LRRC4C: variants seen among roughly 807,000 people sequenced by gnomAD.
LRRC4C encodes the protein leucine-rich repeat-containing protein 4C.
A neutral mutation model predicts 33.6 loss-of-function variants in LRRC4C; 5 were observed. That is an observed-to-expected ratio of 0.15 (90% confidence interval 0.08 to 0.31). The LOEUF (loss-of-function observed/expected upper bound fraction) is 0.31, where lower values mean the gene tolerates loss of function less well. Ranked by LOEUF, LRRC4C falls within the 10% of genes least tolerant of loss-of-function variation. The pLI is 1.00. For synonymous variants in LRRC4C, 329 were observed against 302.0 expected (o/e 1.09, Z -0.93); for missense variants, 560 against 796.7 (o/e 0.70, Z 3.58).
At chr11:40,806,509 G>A (rs1378920308) in intron 2 of LRRC4C, among the ~76,000 whole-genome samples, 1 of 152,192 alleles carries the variant, frequency 6.6e-6, no homozygotes, top group African/African-American at 2.4e-5. Flanking sequence ...AAGCCATGCA[G>A]CACCACATCC....
At chr11:40,740,707 C>A (rs558147319) in intron 2 of LRRC4C, among the ~76,000 whole-genome samples, 29 of 151,982 alleles carry the variant, frequency 1.9e-4, no homozygotes, top group African/African-American at 7.0e-4. Flanking sequence ...ATAGCATTGC[C>A]CAGACTAATG....
chr11:40,208,604 A>AT (rs1399212456), intron 5 of LRRC4C, among the ~76,000 whole-genome samples: 1 of 152,124 alleles, frequency 6.6e-6, no homozygotes, highest in East Asian at 1.9e-4. Context: ...ACTGAAAGCT[A>AT]TTTTTCCAAT....
chr11:40,973,334 T>C, intron 1 of LRRC4C, among the ~76,000 whole-genome samples: 1 of 151,176 alleles, frequency 6.6e-6, no homozygotes, highest in East Asian at 1.9e-4. Context: ...GATCACTACT[T>C]AGGCAAAGAA....
chr11:40,294,129 C>T (rs1944388957), intron 4 of LRRC4C: 1 of 152,712 alleles, frequency 6.5e-6, no homozygotes, highest in South Asian at 2.1e-4. Flanking sequence ...CTTTTCCTTT[C>T]CCTTTCTCTG....
intron 1 of LRRC4C, among the ~76,000 whole-genome samples, chr11:41,157,349 A>C (rs1174795050): frequency 1.3e-5 from 2 of 152,090 alleles, no homozygotes; most frequent in Non-Finnish European, 2.9e-5. Flanking sequence ...AAATTTCCTA[A>C]GAGAAATAAG....
chr11:40,784,711 G>T (rs1950340743), intron 2 of LRRC4C, among the ~76,000 whole-genome samples: 1 of 152,182 alleles, frequency 6.6e-6, no homozygotes, highest in African/African-American at 2.4e-5. Flanking sequence ...AGCACATGCT[G>T]CAGTCAATGG....
At chr11:40,327,799 T>C (rs551441741) in intron 3 of LRRC4C, among the ~76,000 whole-genome samples, 2 of 152,190 alleles carry the variant, frequency 1.3e-5, no homozygotes, top group South Asian at 4.2e-4. Context: ...CACTACACTC[T>C]ACATTGACTC....
chr11:40,668,988 C>A (rs1344236123), intron 2 of LRRC4C, among the ~76,000 whole-genome samples: 1 of 152,100 alleles, frequency 6.6e-6, no homozygotes, highest in East Asian at 1.9e-4. Flanking sequence ...ACCTCTATAG[C>A]CCAGGTTCAA....
intron 3 of LRRC4C, among the ~76,000 whole-genome samples, chr11:40,343,542 T>G (rs945842248): frequency 6.6e-6 from 1 of 151,978 alleles, no homozygotes; most frequent in Non-Finnish European, 1.5e-5. Flanking sequence ...CTGGTGTCCA[T>G]TGTTCCCCTC....
At chr11:41,201,748 G>GA (rs1946405468) in intron 1 of LRRC4C, among the ~76,000 whole-genome samples, 1 of 152,148 alleles carries the variant, frequency 6.6e-6, no homozygotes, top group Non-Finnish European at 1.5e-5. Flanking sequence ...TTCTTTTAAA[G>GA]ATTTTAGCAT....
intron 1 of LRRC4C, among the ~76,000 whole-genome samples, chr11:41,201,585 G>T (rs1426070968): frequency 6.6e-6 from 1 of 152,132 alleles, no homozygotes; most frequent in Non-Finnish European, 1.5e-5. Context: ...TGTGTGAATT[G>T]TCTCCTGAGA....
In LRRC4C at chr11:40,893,709, C is replaced by T. The variant is rs74561134; in HGVS notation, c.-407+39926G>A. 3.7e-4 allele frequency among the ~76,000 whole-genome samples: 57 copies of T among 152,036 alleles called. No homozygotes were observed. The East Asian group carries it at 9.5e-3, about 25-fold the overall frequency. On this transcript the variant is annotated intron_variant, in intron 2 of 6. Transcript: ENST00000528697. ...CAAAATGCTTACCAAATTATGGTCA[C>T]GGAAGAATGTCATAGTGTTCAAAGG... is the stretch of plus-strand genomic sequence containing the variant.
intron 3 of LRRC4C, among the ~76,000 whole-genome samples, chr11:40,421,482 C>A (rs1274876535): frequency 6.6e-6 from 1 of 152,128 alleles, no homozygotes; most frequent in African/African-American, 2.4e-5. Context: ...TAATGACAGG[C>A]ACAGCAGAAT....
chr11:40,716,457 A>G (rs1386663974), intron 2 of LRRC4C, among the ~76,000 whole-genome samples: 1 of 152,132 alleles, frequency 6.6e-6, no homozygotes, highest in Admixed American at 6.5e-5. Context: ...CAACAACAAC[A>G]ACAATAACAA....
At chr11:41,098,667 C>T (rs914957159) in intron 1 of LRRC4C, among the ~76,000 whole-genome samples, 4 of 151,970 alleles carry the variant, frequency 2.6e-5, no homozygotes, top group African/African-American at 2.4e-5. Context: ...AATAAAAGAC[C>T]TTGTATTGGC....
intron 1 of LRRC4C, among the ~76,000 whole-genome samples, chr11:41,198,699 G>A (rs376458395): frequency 6.6e-6 from 1 of 151,890 alleles, no homozygotes; most frequent in Non-Finnish European, 1.5e-5. Context: ...CCATTTTCAC[G>A]GTGGCCCTCT....
intron 3 of LRRC4C, among the ~76,000 whole-genome samples, chr11:40,423,132 T>C (rs952465698): frequency 6.6e-6 from 1 of 152,086 alleles, no homozygotes; most frequent in Non-Finnish European, 1.5e-5. Flanking sequence ...TCAAGTCTAT[T>C]ATGATGTGAG....
At chr11:40,756,892 CT>C (rs1181347813) in intron 2 of LRRC4C, among the ~76,000 whole-genome samples, 7 of 151,322 alleles carry the variant, frequency 4.6e-5, no homozygotes, top group South Asian at 2.1e-4. Context: ...TTCTGTCAGA[CT>C]TTTTTTTTTC....
chr11:40,137,141 C>A (rs140475067), intron 6 of LRRC4C, among the ~76,000 whole-genome samples: 23 of 151,118 alleles, frequency 1.5e-4, no homozygotes, highest in African/African-American at 4.4e-4. Flanking sequence ...TAAACCTGTA[C>A]ACCTATGTAT....
Sources: gnomAD v4.1 joint callset for allele counts (sites outside exome capture counted in the v4.1 genomes callset) on GRCh38, gnomAD v4.1.1 for gene constraint, MANE v1.5 for transcripts, NCBI Gene and HGNC (gene_info 2026-07-23, HGNC 2026-07-21) for gene names.